The following RP1 variants were observed in gnomAD, a reference collection of about 807,000 sequenced individuals.
RP1 encodes the protein oxygen-regulated protein 1.
RP1 carries 16 observed loss-of-function variants against 14.8 expected under a neutral mutation model. The observed-to-expected ratio is 1.08, with a 90% confidence interval of 0.73 to 1.65. The LOEUF (loss-of-function observed/expected upper bound fraction) is 1.65. Among genes scored for constraint, RP1 ranks in the 40% most tolerant of loss-of-function variants. RP1 has a pLI of 0.00. For synonymous variants in RP1, 876 were observed against 883.6 expected (o/e 0.99, Z 0.15); for missense variants, 2,631 against 2,535.0 (o/e 1.04, Z -0.81).
chr8:54,686,797 T>G (rs771657441), intron 12 of RP1, among the ~76,000 whole-genome samples: 10 of 152,178 alleles, frequency 6.6e-5, no homozygotes, highest in Non-Finnish European at 1.3e-4. Context: ...TCAAAATATT[T>G]ACTATAAAAT....
At chr8:54,861,456 T>C (rs1369843882) in intron 27 of RP1, among the ~76,000 whole-genome samples, 1 of 152,254 alleles carries the variant, frequency 6.6e-6, no homozygotes, top group East Asian at 1.9e-4. Flanking sequence ...CACTTTCATG[T>C]GTAGTGCAAT....
At chr8:54,769,520 G>A (rs562695009) in intron 22 of RP1, among the ~76,000 whole-genome samples, 1 of 152,150 alleles carries the variant, frequency 6.6e-6, no homozygotes, top group African/African-American at 2.4e-5. Flanking sequence ...TATATATTTC[G>A]TTCTTCAAGC....
intron 24 of RP1, among the ~76,000 whole-genome samples, chr8:54,823,055 T>C (rs1404529352): frequency 6.6e-6 from 1 of 152,176 alleles, no homozygotes; most frequent in Non-Finnish European, 1.5e-5. Flanking sequence ...CTTAGTACAA[T>C]GTGTGTGCAT....
At chr8:54,864,650 G>A (rs1812420527) in intron 27 of RP1, among the ~76,000 whole-genome samples, 1 of 152,168 alleles carries the variant, frequency 6.6e-6, no homozygotes, top group Non-Finnish European at 1.5e-5. Context: ...GAGCAGCGCT[G>A]CCTGTATCAA....
chr8:54,608,667 A>T (rs1805519042), intron 1 of RP1, among the ~76,000 whole-genome samples: 2 of 152,236 alleles, frequency 1.3e-5, no homozygotes, highest in African/African-American at 4.8e-5. Flanking sequence ...CATGCTGCAC[A>T]TGTACCTCTG....
intron 1 of RP1, among the ~76,000 whole-genome samples, chr8:54,610,914 G>C (rs996565167): frequency 6.6e-6 from 1 of 152,114 alleles, no homozygotes; most frequent in Non-Finnish European, 1.5e-5. Context: ...ATTTCTTGAG[G>C]AGCAGGTCTA....
intron 15 of RP1, among the ~76,000 whole-genome samples, chr8:54,719,497 T>A (rs563944385): frequency 1.3e-3 from 198 of 152,274 alleles, no homozygotes; most frequent in African/African-American, 4.6e-3. Context: ...GGGACTGAAA[T>A]CCTATAAAGA....
intron 26 of RP1, among the ~76,000 whole-genome samples, chr8:54,853,489 C>T (rs2129408753): frequency 6.6e-6 from 1 of 152,270 alleles, no homozygotes; most frequent in South Asian, 2.1e-4. Context: ...TGGGAGCAGC[C>T]TTGGGGGACA....
chr8:54,679,029 C>T (rs960761935), intron 9 of RP1, among the ~76,000 whole-genome samples: 1 of 151,828 alleles, frequency 6.6e-6, no homozygotes, highest in Non-Finnish European at 1.5e-5. Flanking sequence ...TTTCCTGCCT[C>T]TTTTCCTATG....
chr8:54,635,522 A>T (rs962961315), downstream of RP1, among the ~76,000 whole-genome samples: 2 of 152,184 alleles, frequency 1.3e-5, no homozygotes, highest in Non-Finnish European at 2.9e-5. Flanking sequence ...GCTAAACACT[A>T]TATTTATGTT....
chr8:54,701,040 T>A (rs908385236), intron 13 of RP1, among the ~76,000 whole-genome samples: 1 of 152,182 alleles, frequency 6.6e-6, no homozygotes, highest in Non-Finnish European at 1.5e-5. Context: ...CCTAAAACGC[T>A]GTCCTGAACA....
In RP1 at chr8:54,629,589, G is replaced by A; in HGVS notation, c.5707G>A (p.Glu1903Lys). ...GSNMIHGTLQ[E>K]ADSLDKLYAL... is the part of the protein sequence containing the mutation. Reference sequence around the variant, plus strand: ...TAATATGATTCATGGTACACTTCAGGAAGCTGACTCTTTGGATAAACTGTA... The same window carrying A: ...TAATATGATTCATGGTACACTTCAGAAAGCTGACTCTTTGGATAAACTGTA... Residue 1903 changes from glutamate (E) to lysine (K), a missense_variant, in exon 4 of 4, where the codon GAA (glutamate) becomes AAA (lysine). Physicochemically the swap from Glu to Lys is moderately conservative, Grantham distance 56. Coordinates refer to ENST00000220676, the MANE Select transcript of RP1 (RefSeq NM_006269.2). The A allele has an allele frequency of 6.2e-7, 1 of 1,613,934 alleles. No individual in the cohort carries two copies. Among genetic ancestry groups the A allele is most frequent in the Non-Finnish European group, 8.5e-7 (1 of 1,179,980 alleles).
rs1160327556 is a variant in RP1 at position 54,714,595 on chromosome 8, C to T, written c.2212-5534C>T. On this transcript the variant is annotated intron_variant, in intron 15 of 22. Transcript: ENST00000636932. ...CCTGACCCAACCAATCAGCAGCATT[C>T]CCCACTCTCTAGCCTCGTGCCTGCC... Among the ~76,000 whole-genome samples the T allele has an allele frequency of 2.0e-5, 3 of 152,136 alleles. No individual in the cohort carries two copies. In the East Asian group the frequency reaches 5.8e-4, roughly 29 times the overall value.
At chr8:54,848,338 G>C (rs1811978372) in intron 25 of RP1, among the ~76,000 whole-genome samples, 1 of 152,146 alleles carries the variant, frequency 6.6e-6, no homozygotes, top group African/African-American at 2.4e-5. Context: ...GTTCTTCCTG[G>C]GGCCTGAAGA....
chr8:54,664,519 C>G (rs748904038), intron 7 of RP1, among the ~76,000 whole-genome samples: 6 of 152,058 alleles, frequency 3.9e-5, no homozygotes, highest in Non-Finnish European at 5.9e-5. Context: ...CAGCAGTGCA[C>G]AAGGGTTCCA....
chr8:54,789,448 G>T (rs1336642801), intron 24 of RP1, among the ~76,000 whole-genome samples: 1 of 152,096 alleles, frequency 6.6e-6, no homozygotes. Context: ...CAAAGACTCT[G>T]CCATGACATA....
chr8:54,611,300 C>A (rs1391120797), upstream of RP1, among the ~76,000 whole-genome samples: 1 of 152,110 alleles, frequency 6.6e-6, no homozygotes, highest in Non-Finnish European at 1.5e-5. Flanking sequence ...TTCTCTTTCT[C>A]TTCTCCTTCT....
chr8:54,672,842 T>G (rs946405227), intron 7 of RP1, among the ~76,000 whole-genome samples: 1 of 152,168 alleles, frequency 6.6e-6, no homozygotes, highest in African/African-American at 2.4e-5. Flanking sequence ...GTCAGCATAT[T>G]TTCATTATGC....
exon 4 of RP1, chr8:54,649,086 C>G (rs1368819643): frequency 6.5e-7 from 1 of 1,530,172 alleles, no homozygotes; most frequent in Non-Finnish European, 8.7e-7. Flanking sequence ...AAGTTCAGCC[C>G]CCATATATCT....
Sources: allele counts gnomAD v4.1 joint callset (sites outside exome capture counted in the v4.1 genomes callset), GRCh38; gene constraint gnomAD v4.1.1; transcripts MANE v1.5; gene names NCBI Gene and HGNC (gene_info 2026-07-23, HGNC 2026-07-21).